ZNF804B: variants seen among roughly 807,000 people sequenced by gnomAD.
ZNF804B encodes zinc finger 804B.
In ZNF804B, 80 loss-of-function variants were observed where a neutral mutation model predicts 101.4. That is an observed-to-expected ratio of 0.79 (90% confidence interval 0.66 to 0.95). The LOEUF is 0.95. Among genes scored for constraint, ZNF804B ranks in the 40% least tolerant of loss-of-function variants. ZNF804B has a pLI of 0.00. For missense variants in ZNF804B, 1,673 were observed against 1,561.9 expected (o/e 1.07, Z -1.20); for synonymous variants, 622 against 558.8 (o/e 1.11, Z -1.59).
chr7:88,875,271 C>T (rs1357615122), intron 1 of ZNF804B, among the ~76,000 whole-genome samples: 1 of 150,832 alleles, frequency 6.6e-6, no homozygotes, highest in South Asian at 2.1e-4. Flanking sequence ...AGAGCAAACA[C>T]ATTCAAAAGC....
chr7:89,198,969 G>T (rs1788593478), intron 1 of ZNF804B, among the ~76,000 whole-genome samples: 1 of 151,880 alleles, frequency 6.6e-6, no homozygotes, highest in African/African-American at 2.4e-5. Flanking sequence ...GAGTTTAGAA[G>T]TAAAAAAGTC....
At chr7:88,784,965 C>T (rs191071225) in intron 1 of ZNF804B, among the ~76,000 whole-genome samples, 1 of 152,162 alleles carries the variant, frequency 6.6e-6, no homozygotes, top group African/African-American at 2.4e-5. Flanking sequence ...TAGAATGAGG[C>T]TTTCTTCTCT....
intron 1 of ZNF804B, among the ~76,000 whole-genome samples, chr7:89,147,620 A>T (rs1207097888): frequency 6.6e-6 from 1 of 152,026 alleles, no homozygotes; most frequent in Non-Finnish European, 1.5e-5. Context: ...CAGGCCATAC[A>T]GCAGGAGGTG....
intron 2 of ZNF804B, among the ~76,000 whole-genome samples, chr7:89,285,522 C>CAAAAAAAAAAAAAAAAAAAAAA (rs778078214): frequency 8.9e-5 from 2 of 22,396 alleles, no homozygotes; most frequent in African/African-American, 1.5e-4. Flanking sequence ...GACTCTGTCT[C>CAAAAAAAAAAAAAAAAAAAAAA]AAAAAAAAAA....
At chr7:89,234,560 G>A (rs1387282813) in intron 2 of ZNF804B, among the ~76,000 whole-genome samples, 1 of 152,142 alleles carries the variant, frequency 6.6e-6, no homozygotes. Flanking sequence ...GGGTATGTCA[G>A]TGAGGGCATT....
At chr7:89,156,944 G>A (rs965067106) in intron 1 of ZNF804B, among the ~76,000 whole-genome samples, 3 of 152,132 alleles carry the variant, frequency 2.0e-5, no homozygotes, top group African/African-American at 7.2e-5. Flanking sequence ...GAGGAAGGAG[G>A]AGGGAGAAGG....
chr7:89,289,800 C>G (rs964639384), intron 2 of ZNF804B, among the ~76,000 whole-genome samples: 4 of 152,196 alleles, frequency 2.6e-5, no homozygotes, highest in Non-Finnish European at 5.9e-5. Flanking sequence ...GACTCCAACT[C>G]TTAGGCAAGG....
chr7:88,866,856 A>C (rs1791734574), intron 1 of ZNF804B, among the ~76,000 whole-genome samples: 1 of 152,196 alleles, frequency 6.6e-6, no homozygotes, highest in African/African-American at 2.4e-5. Flanking sequence ...TAACTTTATG[A>C]CTTAGTACCA....
At chr7:88,784,638 T>G (rs1790274541) in intron 1 of ZNF804B, among the ~76,000 whole-genome samples, 1 of 152,156 alleles carries the variant, frequency 6.6e-6, no homozygotes, top group Non-Finnish European at 1.5e-5. Flanking sequence ...GGCCAAGCTT[T>G]TGGAAATACT....
chr7:89,307,889 G>A (rs1053040985), intron 2 of ZNF804B, among the ~76,000 whole-genome samples: 4 of 152,018 alleles, frequency 2.6e-5, no homozygotes, highest in African/African-American at 7.2e-5. Context: ...TGCTTGCACA[G>A]CCTTGCCTAA....
At chr7:89,210,143 A>G (rs1391902424) in intron 1 of ZNF804B, among the ~76,000 whole-genome samples, 1 of 134,782 alleles carries the variant, frequency 7.4e-6, no homozygotes, top group African/African-American at 2.9e-5. Context: ...GAGACTTCAT[A>G]TCAAAAAAAA....
At chr7:89,218,328 C>T (rs985554132) in intron 2 of ZNF804B, 33 bp downstream of exon 2, 17 of 1,611,498 alleles carry the variant, frequency 1.1e-5, no homozygotes, top group East Asian at 2.2e-5. Flanking sequence ...CTTCATATTC[C>T]TGTATTTATA....
intron 1 of ZNF804B, chr7:88,794,804 G>T (rs1790451663): frequency 1.2e-6 from 2 of 1,613,622 alleles, no homozygotes; most frequent in African/African-American, 1.3e-5. Flanking sequence ...ATCCTATCAA[G>T]AAGGAATTTC....
intron 2 of ZNF804B, among the ~76,000 whole-genome samples, chr7:89,222,167 A>G (rs555324295): frequency 2.0e-4 from 30 of 152,040 alleles, no homozygotes; most frequent in Non-Finnish European, 4.3e-4. Flanking sequence ...TAAAAAGCGT[A>G]ATCTATGAAG....
intron 1 of ZNF804B, among the ~76,000 whole-genome samples, chr7:88,853,280 A>G (rs752237612): frequency 2.4e-4 from 36 of 152,114 alleles, no homozygotes; most frequent in Non-Finnish European, 4.3e-4. Flanking sequence ...TAGATTTTCT[A>G]ACAGCTGAAG....
intron 1 of ZNF804B, among the ~76,000 whole-genome samples, chr7:89,034,412 C>A (rs542976463): frequency 1.4e-3 from 213 of 152,152 alleles, no homozygotes; most frequent in Non-Finnish European, 2.5e-3. Context: ...CCCCCTACCC[C>A]CCGCCAGGCC....
chr7:88,878,816 T>G (rs186185039), intron 1 of ZNF804B, among the ~76,000 whole-genome samples: 1 of 152,302 alleles, frequency 6.6e-6, no homozygotes, highest in Non-Finnish European at 1.5e-5. Flanking sequence ...TGTATCTAAA[T>G]TTAGTGACTT....
chr7:89,027,335 T>C (rs1331500695), intron 1 of ZNF804B, among the ~76,000 whole-genome samples: 2 of 152,118 alleles, frequency 1.3e-5, no homozygotes, highest in African/African-American at 2.4e-5. Flanking sequence ...GGATGTTCGA[T>C]AGGAAAAGGA....
intron 1 of ZNF804B, among the ~76,000 whole-genome samples, chr7:88,838,213 T>C (rs1791244458): frequency 6.6e-6 from 1 of 151,866 alleles, no homozygotes; most frequent in African/African-American, 2.4e-5. Context: ...CGCTCAATTC[T>C]TTTGTTTGTA....
Sources: gnomAD v4.1 joint callset for allele counts (sites outside exome capture counted in the v4.1 genomes callset) on GRCh38, gnomAD v4.1.1 for gene constraint, MANE v1.5 for transcripts, NCBI Gene and HGNC (gene_info 2026-07-23, HGNC 2026-07-21) for gene names.